TEX9: variants seen among roughly 807,000 people sequenced by gnomAD.
TEX9 encodes the protein testis expressed 9.
Under a neutral mutation model 59.6 loss-of-function variants are expected in TEX9, and 74 were observed. That is an observed-to-expected ratio of 1.24 (90% CI 1.03 to 1.51). The LOEUF is 1.51. Among genes scored for constraint, TEX9 ranks in the 40% most tolerant of loss-of-function variants. The probability of loss-of-function intolerance (pLI) is 0.00; values close to 1 mark genes in which losing one functional copy is unlikely to be tolerated. For missense variants in TEX9, 522 were observed against 447.8 expected, an observed-to-expected ratio of 1.17 and a Z score of -1.49; for synonymous variants, 186 against 152.2, an observed-to-expected ratio of 1.22 and a Z score of -1.64.
At chr15:56,457,363 T>A in the TEX9 span, among the ~76,000 whole-genome samples, 1 of 152,166 alleles carries the variant, frequency 6.6e-6, no homozygotes, top group African/African-American at 2.4e-5. Flanking sequence ...CATCAGGAAA[T>A]GCAAATTAGA....
At chr15:56,303,337 A>G (rs1160626440) in intron 1 of TEX9, among the ~76,000 whole-genome samples, 2 of 152,206 alleles carry the variant, frequency 1.3e-5, no homozygotes, top group Non-Finnish European at 2.9e-5. Flanking sequence ...AATTCAGAAA[A>G]ATTGAAATAA....
chr15:56,320,527 G>A (rs1391963178), intron 1 of TEX9, among the ~76,000 whole-genome samples: 1 of 152,146 alleles, frequency 6.6e-6, no homozygotes, highest in African/African-American at 2.4e-5. Flanking sequence ...GACAGAGCAA[G>A]AGCACATATG....
chr15:56,345,258 A>G (rs928407846), intron 1 of TEX9, among the ~76,000 whole-genome samples: 5 of 151,924 alleles, frequency 3.3e-5, no homozygotes, highest in Non-Finnish European at 5.9e-5. Flanking sequence ...GATATTTTGG[A>G]AGCATGGACA....
intron 9 of TEX9, among the ~76,000 whole-genome samples, chr15:56,405,672 T>C (rs1787524097): frequency 6.6e-6 from 1 of 152,152 alleles, no homozygotes; most frequent in South Asian, 2.1e-4. Context: ...ATGGGTTATG[T>C]AGCCATGAGA....
In TEX9 at chr15:56,316,041, T is replaced by G. The variant is rs369042407; in HGVS notation, c.-106-57400T>G. Among the ~76,000 whole-genome samples, 521 of 150,770 alleles carry G rather than the reference T, an allele frequency of 3.5e-3. 6 individuals are homozygous for G. Among genetic ancestry groups the G allele is most frequent in the African/African-American group, 0.011 (471 of 41,414 alleles). ...ACTTCTCTGTATTGGTTATTCTAGT[T>G]ATACCTTCTTCTAAATTTTTTTCAA... is the stretch of plus-strand genomic sequence containing the variant. On this transcript the variant is annotated intron_variant, in intron 1 of 5. Coordinates refer to the TEX9 transcript ENST00000560827.
intron 1 of TEX9, among the ~76,000 whole-genome samples, chr15:56,293,184 A>C (rs1246032420): frequency 2.0e-5 from 3 of 152,026 alleles, no homozygotes; most frequent in Admixed American, 6.5e-5. Context: ...TATGAAAAAA[A>C]AAATGAGCAG....
At chr15:56,289,472 G>A (rs2045034031) in intron 1 of TEX9, among the ~76,000 whole-genome samples, 1 of 152,182 alleles carries the variant, frequency 6.6e-6, no homozygotes, top group South Asian at 2.1e-4. Context: ...CAGATGTGTA[G>A]TGTCTGTGTA....
chr15:56,268,400 G>A (rs2044441659), intron 1 of TEX9, among the ~76,000 whole-genome samples: 3 of 152,152 alleles, frequency 2.0e-5, no homozygotes, highest in African/African-American at 7.2e-5. Flanking sequence ...CCTATCTTGT[G>A]CCAGTTTTCA....
chr15:56,447,297 T>C (rs2050912996), downstream of TEX9: 1 of 163,636 alleles, frequency 6.1e-6, no homozygotes, highest in Admixed American at 5.9e-5. Context: ...CTTGATACTT[T>C]CATTTCCATA....
Position 56,394,647 on chromosome 15 carries a change from C to G in TEX9, c.655-14C>G, listed in dbSNP as rs755928760. ...ACATATTTTTTCACATAATCTATAA[C>G]TTTATAACTATAGGAGGATGAAATT... On this transcript the variant is annotated splice_polypyrimidine_tract_variant and intron_variant, in intron 8 of 12. Coordinates refer to ENST00000352903, the Ensembl canonical transcript of TEX9. The G allele has an allele frequency of 6.6e-7, 1 of 1,519,126 alleles. No individual in the cohort carries two copies. Among genetic ancestry groups the G allele is most frequent in the Non-Finnish European group, 9.0e-7 (1 of 1,115,308 alleles). The allele number at this position is 1,519,126 out of a possible 1,614,324, so 94.1% of individuals were successfully genotyped here. A position where few individuals can be genotyped will look rare whatever the true frequency, so the allele number is the denominator to read the frequency against.
chr15:56,255,966 T>C (rs1428994613), intron 1 of TEX9, among the ~76,000 whole-genome samples: 1 of 152,090 alleles, frequency 6.6e-6, no homozygotes, highest in Non-Finnish European at 1.5e-5. Flanking sequence ...AAAGAAAATG[T>C]TAAATTTCAA....
rs1336502430 is a variant in TEX9 at position 56,444,740 on chromosome 15, A to G, written c.*30-931A>G. ...AACATAGTACGATAGTATATTTTAC[A>G]CCAATGTTATTGAATATTATAAAGT... is the stretch of plus-strand genomic sequence containing the variant. On this transcript the variant is annotated intron_variant, in intron 12 of 12. Transcript: ENST00000352903. 8 of 1,268,862 alleles carry G rather than the reference A, an allele frequency of 6.3e-6. No individual in the cohort carries two copies. In the African/African-American group the frequency reaches 1.2e-4, roughly 19 times the overall value. 78.6% of individuals were successfully genotyped at this position (1,268,862 alleles called of 1,614,324 possible).
chr15:56,351,715 A>G (rs1257422372), intron 1 of TEX9, among the ~76,000 whole-genome samples: 1 of 152,212 alleles, frequency 6.6e-6, no homozygotes, highest in East Asian at 1.9e-4. Context: ...ATATTGAACT[A>G]AAAAAATTCT....
At chr15:56,301,689 A>G (rs2045363787) in intron 1 of TEX9, among the ~76,000 whole-genome samples, 1 of 152,128 alleles carries the variant, frequency 6.6e-6, no homozygotes, top group Non-Finnish European at 1.5e-5. Flanking sequence ...AGAATACTAT[A>G]TCCAGTGAAA....
At chr15:56,400,482 A>G (rs1414231704) in intron 9 of TEX9, among the ~76,000 whole-genome samples, 4 of 152,234 alleles carry the variant, frequency 2.6e-5, no homozygotes, top group Non-Finnish European at 5.9e-5. Flanking sequence ...AAATGGGACT[A>G]TGTGAAAAGA....
At chr15:56,401,147 T>TA (rs1413360696) in intron 9 of TEX9, among the ~76,000 whole-genome samples, 2 of 151,942 alleles carry the variant, frequency 1.3e-5, no homozygotes, top group African/African-American at 2.4e-5. Context: ...ACCTTAAATG[T>TA]AAATAGGCTA....
At chr15:56,366,892 T>G (rs1446191263) in intron 2 of TEX9, among the ~76,000 whole-genome samples, 1 of 152,188 alleles carries the variant, frequency 6.6e-6, no homozygotes, top group Non-Finnish European at 1.5e-5. Flanking sequence ...TCTTCTTCTC[T>G]CTGATGAAAT....
intron 12 of TEX9, among the ~76,000 whole-genome samples, chr15:56,430,831 G>T (rs2050570150): frequency 6.6e-6 from 1 of 152,114 alleles, no homozygotes; most frequent in South Asian, 2.1e-4. Context: ...TTGTTCTAGG[G>T]TAGCTTTAGA....
At chr15:56,425,325 T>C (rs1348922042) in intron 10 of TEX9, among the ~76,000 whole-genome samples, 1 of 152,156 alleles carries the variant, frequency 6.6e-6, no homozygotes, top group Non-Finnish European at 1.5e-5. Flanking sequence ...GTTACTTGTC[T>C]CCTTTTCTAT....
Sources: gnomAD v4.1 joint callset for allele counts (sites outside exome capture counted in the v4.1 genomes callset) on GRCh38, gnomAD v4.1.1 for gene constraint, MANE v1.5 for transcripts, NCBI Gene and HGNC (gene_info 2026-07-23, HGNC 2026-07-21) for gene names.